KAT6B: variants seen among roughly 807,000 people sequenced by gnomAD.
KAT6B encodes the protein histone acetyltransferase KAT6B.
In KAT6B, 10 loss-of-function variants were observed where a neutral mutation model predicts 187.5. The observed-to-expected ratio is 0.05, with a 90% CI of 0.03 to 0.09. The LOEUF (loss-of-function observed/expected upper bound fraction) is 0.09. KAT6B is among the 10% of genes least tolerant of loss of function. The pLI is 1.00. For synonymous variants in KAT6B, 861 were observed against 926.8 expected (o/e 0.93, Z 1.29); for missense variants, 1,952 against 2,558.9 (o/e 0.76, Z 5.12).
rs1564633043 is a variant in KAT6B, at chr10:75,030,380, A to G, written c.5556A>G (p.Pro1852=). The G allele has an allele frequency of 1.9e-6, 3 of 1,614,190 alleles. No homozygotes were observed. The highest frequency in any genetic ancestry group is 2.2e-5 in the East Asian group (1 of 44,890). Residue 1852 remains proline, a synonymous_variant, in exon 18 of 18, where the codon CCA becomes CCG. Coordinates refer to ENST00000287239, the MANE Select transcript of KAT6B (RefSeq NM_012330.4). This position sits in a 1 kb window ranked among gnomAD's most constrained non-coding sequence, Gnocchi z 4.8. ...CAAACAGTGCCTCTTTGTCCACACC[A>G]TTAAGTAACACAGGGCTTGTTCAAC... The part of the protein sequence containing the change: ...SYANSASLST[P]LSNTGLVQLS...
intron 3 of KAT6B, among the ~76,000 whole-genome samples, chr10:74,850,224 T>A (rs1268135463): frequency 6.6e-6 from 1 of 152,200 alleles, no homozygotes; most frequent in African/African-American, 2.4e-5. Flanking sequence ...AGTAAAAGTA[T>A]CTCTTCCAGT....
chr10:74,830,224 C>A (rs1465550161), intron 1 of KAT6B, among the ~76,000 whole-genome samples: 1 of 152,020 alleles, frequency 6.6e-6, no homozygotes, highest in Non-Finnish European at 1.5e-5. Flanking sequence ...TCTTCTGATA[C>A]CTGTCTTCTC....
intron 3 of KAT6B, among the ~76,000 whole-genome samples, chr10:74,893,768 C>T (rs769130466): frequency 1.5e-4 from 23 of 152,208 alleles, no homozygotes; most frequent in South Asian, 6.2e-4. Flanking sequence ...CCACGCCCAG[C>T]CAAAATTAGT....
chr10:74,976,448 T>G, intron 8 of KAT6B, 118 bp downstream of exon 8: 1 of 846,550 alleles, frequency 1.2e-6, no homozygotes, highest in South Asian at 1.4e-5. Context: ...TTTCTCTTGT[T>G]CTCACTTCAC....
intron 9 of KAT6B, among the ~76,000 whole-genome samples, chr10:74,978,876 C>T (rs144427228): frequency 6.6e-6 from 1 of 152,216 alleles, no homozygotes; most frequent in African/African-American, 2.4e-5. Flanking sequence ...TAATCTGTTA[C>T]AACAGATTGT....
At chr10:75,009,609 C>T (rs755612788) in intron 13 of KAT6B, among the ~76,000 whole-genome samples, 18 of 152,150 alleles carry the variant, frequency 1.2e-4, no homozygotes, top group Non-Finnish European at 2.2e-4. Context: ...GTAGTCATTG[C>T]TGTCTTTAAT....
intron 3 of KAT6B, among the ~76,000 whole-genome samples, chr10:74,918,700 G>A (rs1847894278): frequency 6.6e-6 from 1 of 151,780 alleles, no homozygotes; most frequent in Non-Finnish European, 1.5e-5. Flanking sequence ...CTGAGATTGT[G>A]CTGTTGCACT....
At chr10:74,874,808 T>C (rs1034374738) in intron 3 of KAT6B, among the ~76,000 whole-genome samples, 5 of 151,972 alleles carry the variant, frequency 3.3e-5, no homozygotes, top group African/African-American at 1.2e-4. Context: ...GTGGGTGGTG[T>C]GTGTGGGGTG....
intron 3 of KAT6B, among the ~76,000 whole-genome samples, chr10:74,927,452 C>CT (rs11479404): frequency 0.017 from 1,961 of 116,576 alleles, 35 homozygotes; most frequent in Non-Finnish European, 0.018. Flanking sequence ...TGCAAGAAAC[C>CT]TTTTTTTTTT....
chr10:74,998,083 A>C (rs903393637), intron 13 of KAT6B, among the ~76,000 whole-genome samples: 1 of 151,406 alleles, frequency 6.6e-6, no homozygotes, highest in Non-Finnish European at 1.5e-5. Flanking sequence ...TTGCACTCCA[A>C]CCAGGTGACA....
intron 3 of KAT6B, among the ~76,000 whole-genome samples, chr10:74,910,619 T>TA (rs1302772417): frequency 1.3e-5 from 2 of 152,138 alleles, no homozygotes; most frequent in African/African-American, 4.8e-5. Flanking sequence ...TTTTTCTTTT[T>TA]TTTTTGGTGA....
chr10:74,913,444 TTCTC>T (rs552078029), intron 3 of KAT6B, among the ~76,000 whole-genome samples: 3 of 152,210 alleles, frequency 2.0e-5, no homozygotes, highest in African/African-American at 7.2e-5. Context: ...TGAATTTGTT[TTCTC>T]TCTCTCTCAA....
In KAT6B at chr10:75,030,899, G is replaced by A; in HGVS notation, c.6075G>A (p.Met2025Ile). The change falls in exon 18 of 18, where the codon ATG (methionine) becomes ATA (isoleucine). Residue 2025 changes from methionine (M) to isoleucine (I), a missense_variant. Around this residue, in one of 9 missense-constraint regions of KAT6B, gnomAD observed 358 missense variants for 436.3 expected, o/e 0.82. Coordinates refer to ENST00000287239, the MANE Select transcript of KAT6B (RefSeq NM_012330.4). The surrounding 1 kb of genome is among the most constrained non-coding windows in gnomAD (Gnocchi z 4.8). ...CCCAATACCCTATGCAGATGCAGAT[G>A]GGCATGATGGGCACCCAGCCATATG... ...QTPQYPMQMQ[M>I]GMMGTQPYAQ... 6.2e-7 allele frequency: 1 copy of A among 1,613,948 alleles called. No individual in the cohort carries two copies. The highest frequency in any genetic ancestry group is 8.5e-7 in the Non-Finnish European group (1 of 1,180,008).
intron 3 of KAT6B, among the ~76,000 whole-genome samples, chr10:74,957,116 A>G (rs1320624327): frequency 6.6e-6 from 1 of 152,188 alleles, no homozygotes; most frequent in Non-Finnish European, 1.5e-5. Context: ...AACACAGTTT[A>G]TATGTAGTCT....
chr10:74,846,735 C>G (rs1189682104), intron 3 of KAT6B, among the ~76,000 whole-genome samples: 5 of 152,136 alleles, frequency 3.3e-5, no homozygotes, highest in African/African-American at 4.8e-5. Flanking sequence ...CTGTGCCCAG[C>G]CTTAATTAAA....
chr10:74,895,243 T>C (rs1845908625), intron 3 of KAT6B, among the ~76,000 whole-genome samples: 1 of 152,174 alleles, frequency 6.6e-6, no homozygotes. Flanking sequence ...CATTAGTTTG[T>C]TGTTTTTTTG....
In KAT6B at chr10:74,976,026, G is replaced by A. The variant is rs139737811; in HGVS notation, c.1689G>A (p.Pro563=). Reference sequence around the variant, plus strand: ...GACAGTCTCGCAAAAAGGGACACCCGAGTTATGCACCACCCAAACGTATGC... The same window carrying A: ...GACAGTCTCGCAAAAAGGGACACCCAAGTTATGCACCACCCAAACGTATGC... ...TQGQSRKKGH[P]SYAPPKRMRR... Residue 563 remains proline (P), a synonymous_variant, in exon 8 of 18, where the codon CCG becomes CCA. Coordinates refer to ENST00000287239, the MANE Select transcript of KAT6B (RefSeq NM_012330.4). The A allele has an allele frequency of 3.4e-5, 55 of 1,614,138 alleles. 1 individual carries two copies. In the African/African-American group the frequency reaches 4.4e-4, roughly 13 times the overall value.
chr10:75,030,461 C>G lies in KAT6B; in HGVS notation c.5637C>G (p.Thr1879=), dbSNP rs1465216908. 1 of 1,613,722 alleles carries G rather than the reference C, an allele frequency of 6.2e-7. No individual in the cohort carries two copies. The highest frequency in any genetic ancestry group is 8.5e-7 in the Non-Finnish European group (1 of 1,179,610). The change falls in exon 18 of 18, where the codon ACC becomes ACG. Residue 1879 remains threonine, a synonymous_variant. Transcript: ENST00000287239. This position sits in a 1 kb window ranked among gnomAD's most constrained non-coding sequence, Gnocchi z 4.8. ...PGGPQAQATM[T]PPPNLTPPPM... is the part of the protein sequence containing the mutation. ...GACCCCAAGCACAAGCTACCATGACCCCACCCCCCAACCTGACTCCTCCTC... is the reference window on the plus strand; with the variant it reads ...GACCCCAAGCACAAGCTACCATGACGCCACCCCCCAACCTGACTCCTCCTC...
chr10:74,952,927 T>TGA (rs1002301618), intron 3 of KAT6B, among the ~76,000 whole-genome samples: 5 of 148,530 alleles, frequency 3.4e-5, no homozygotes, highest in African/African-American at 1.2e-4. Context: ...CTCGAACTCC[T>TGA]GACCTCAGGT....
Sources: gnomAD v4.1 joint callset for allele counts (sites outside exome capture counted in the v4.1 genomes callset) on GRCh38, gnomAD v4.1.1 for gene constraint, gnomAD v4.1.1 regional missense constraint, Gnocchi (gnomAD v3.1) non-coding constraint, MANE v1.5 for transcripts, NCBI Gene and HGNC (gene_info 2026-07-23, HGNC 2026-07-21) for gene names.